The following UTP20 variants were observed in gnomAD, a reference collection of about 807,000 sequenced individuals.
The protein encoded by UTP20 is small subunit processome component 20 homolog.
UTP20 carries 164 observed loss-of-function variants against 329.5 expected under a neutral mutation model. That is an observed-to-expected ratio of 0.50 (90% CI 0.44 to 0.57). The LOEUF (loss-of-function observed/expected upper bound fraction) is 0.57, where lower values mean the gene tolerates loss of function less well. Among genes scored for constraint, UTP20 ranks in the 20% least tolerant of loss-of-function variants. UTP20 has a pLI of 0.00. For missense variants in UTP20, 3,055 were observed against 3,284.2 expected (o/e 0.93, Z 1.71); for synonymous variants, 1,151 against 1,159.3 (o/e 0.99, Z 0.14).
rs749876137 is a variant in UTP20, at chr12:101,319,551, A to T, written c.2745A>T (p.Leu915Phe). Reference protein sequence around the residue: ...KKTRRAAAKQLIAHLQVFSKF... With the variant: ...KKTRRAAAKQFIAHLQVFSKF... The stretch of plus-strand genomic sequence containing the variant: ...CTGTTTTGTTTTTGTTTAGGCAATT[A>T]ATTGCTCATTTGCAAGTTTTCTCTA... The change falls in exon 23 of 62, where the codon TTA becomes TTT. Residue 915 changes from leucine (L) to phenylalanine (F), a missense_variant. Physicochemically the swap from Leu to Phe is conservative, Grantham distance 22 (BLOSUM62 0). This residue lies in a region of UTP20 where 2,445 missense variants were observed against 2,575.5 expected (regional missense o/e 0.95). Transcript: ENST00000261637. 6.2e-7 allele frequency: 1 copy of T among 1,602,428 alleles called. No homozygotes were observed. Among genetic ancestry groups the T allele is most frequent in the South Asian group, 1.1e-5 (1 of 88,406 alleles).
intron 28 of UTP20, 46 bp downstream of exon 28, chr12:101,333,490 C>A (rs1427552530): frequency 1.9e-6 from 3 of 1,596,628 alleles, no homozygotes; most frequent in Non-Finnish European, 2.6e-6. Flanking sequence ...CTGCTTTTTC[C>A]TTTATTACTA....
In UTP20 at chr12:101,362,566, T is replaced by C. The variant is rs1196488616; in HGVS notation, c.5790+506T>C. Among the ~76,000 whole-genome samples the C allele has an allele frequency of 3.8e-5, 5 of 133,224 alleles. 2 individuals carry two copies. Among genetic ancestry groups the C allele is most frequent in the African/African-American group, 1.9e-4 (5 of 26,070 alleles). 87.4% of individuals were successfully genotyped at this position (133,224 alleles called of 152,430 possible). On this transcript the variant is annotated intron_variant, in intron 44 of 61. Transcript: ENST00000261637. ...GAAAAATACAAAAACTAGCCAGGCA[T>C]GGTGATGCGCACCTGTAATCCCAGC...
At chr12:101,295,726 T>C in intron 12 of UTP20, 68 bp downstream of exon 12, 1 of 1,444,164 alleles carries the variant, frequency 6.9e-7, no homozygotes, top group South Asian at 1.4e-5. Flanking sequence ...GTATCAAGAA[T>C]ACTGTAAAAA....
At chr12:101,280,402 C>A in intron 1 of UTP20, 75 bp downstream of exon 1, 3 of 1,530,872 alleles carry the variant, frequency 2.0e-6, no homozygotes, top group Admixed American at 4.0e-5. Context: ...GAGCGAGACT[C>A]CAGGGGCCTC....
intron 26 of UTP20, among the ~76,000 whole-genome samples, 171 bp downstream of exon 26, chr12:101,327,418 C>A (rs552209271): frequency 6.6e-6 from 1 of 152,280 alleles, no homozygotes; most frequent in Non-Finnish European, 1.5e-5. Flanking sequence ...AATTAAATTG[C>A]GTGAAACTGA....
chr12:101,314,074 A>G (rs1025927179), intron 21 of UTP20, among the ~76,000 whole-genome samples: 6 of 152,186 alleles, frequency 3.9e-5, no homozygotes, highest in African/African-American at 1.4e-4. Flanking sequence ...GTGTGACTGT[A>G]GAGAGAAAAG....
rs1254227615 is a variant in UTP20 at position 101,338,708 on chromosome 12, A to T, written c.3869-105A>T. 3.0e-6 allele frequency: 2 copies of T among 661,862 alleles called. No homozygotes were observed. The highest frequency in any genetic ancestry group is 3.1e-5 in the East Asian group (1 of 32,544). The allele number at this position is 661,862 out of a possible 1,614,324, so 41.0% of individuals were successfully genotyped here. A position where few individuals can be genotyped will look rare whatever the true frequency, so the allele number is the denominator to read the frequency against. On this transcript the variant is annotated intron_variant, in intron 30 of 61. Transcript: ENST00000261637. The stretch of plus-strand genomic sequence containing the variant: ...TTTATTTAGAATTGAAATTTAACTT[A>T]AATGTTCATAGTGGTTGAGTGCTTT...
At chr12:101,290,299 G>C (rs1872096860) in intron 7 of UTP20, 25 bp downstream of exon 7, 1 of 1,565,660 alleles carries the variant, frequency 6.4e-7, no homozygotes, top group Non-Finnish European at 8.6e-7. Context: ...GGGGTGCTTA[G>C]AGTCTATGTG....
intron 32 of UTP20, among the ~76,000 whole-genome samples, chr12:101,342,147 A>ACTTG (rs1334723439): frequency 2.6e-5 from 4 of 152,118 alleles, no homozygotes; most frequent in African/African-American, 7.2e-5. Context: ...CCGAGGGACG[A>ACTTG]CTGTACTTCA....
intron 1 of UTP20, 96 bp downstream of exon 1, chr12:101,280,423 GC>G: frequency 6.9e-7 from 1 of 1,452,198 alleles, no homozygotes; most frequent in Non-Finnish European, 9.4e-7. Flanking sequence ...AGACTTCTGG[GC>G]CGAGTGTGTC....
intron 56 of UTP20, among the ~76,000 whole-genome samples, chr12:101,378,149 G>A (rs532096181): frequency 6.6e-6 from 1 of 152,308 alleles, no homozygotes; most frequent in South Asian, 2.1e-4. Context: ...TCAAGCTAGG[G>A]CCCAGGACTG....
In UTP20 at chr12:101,357,087, A is replaced by G. The variant is rs1255673137; in HGVS notation, c.5691+5A>G. On this transcript the variant is annotated splice_donor_5th_base_variant and intron_variant, in intron 43 of 61. Transcript: ENST00000261637. ...ACTCTTGTCCGTGGATACCAGGTAA[A>G]TTGCATCTTGTGCTTTATATTCAAG... is the stretch of plus-strand genomic sequence containing the variant. 6.2e-7 allele frequency: 1 copy of G among 1,604,658 alleles called. No individual in the cohort carries two copies. The highest frequency in any genetic ancestry group is 8.5e-7 in the Non-Finnish European group (1 of 1,175,498).
In UTP20 at chr12:101,305,726, G is replaced by A. The variant is rs183577236; in HGVS notation, c.1782-189G>A. Among the ~76,000 whole-genome samples the A allele has an allele frequency of 4.0e-5, 6 of 151,818 alleles. No homozygotes were observed. The East Asian group carries it at 1.2e-3, about 29-fold the overall frequency. On this transcript the variant is annotated intron_variant, in intron 15 of 61. Transcript: ENST00000261637. ...TGCCTGCAACCAGCTGTGTGTCCTT[G>A]CATATGTCACTCATTGTTGCTGGGC... is the stretch of plus-strand genomic sequence containing the variant.
chr12:101,309,813 C>G lies in UTP20; in HGVS notation c.2205C>G (p.Leu735=). The G allele has an allele frequency of 6.2e-7, 1 of 1,613,660 alleles. No homozygotes were observed. Among genetic ancestry groups the G allele is most frequent in the South Asian group, 1.1e-5 (1 of 91,042 alleles). Residue 735 remains leucine (L), a synonymous_variant, in exon 19 of 62, where the codon CTC becomes CTG. Coordinates refer to ENST00000261637, the MANE Select transcript of UTP20 (RefSeq NM_014503.3). ...LGMLYINFSA[L]WDPVIELISS... ...TGCTATATATTAATTTCAGTGCACT[C>G]TGGGATCCTGTTATTGAACTCATAA...
rs1869549347 is a variant in UTP20 at position 101,352,156 on chromosome 12, C to T, written c.4986C>T (p.Val1662=). ...YMYYLKHFIH[V]LQTGQINQKL... ...ATTACTTGAAACATTTCATTCATGT[C>T]TTACAAACGGGACAGATCAATCAAA... is the stretch of plus-strand genomic sequence containing the variant. The change falls in exon 39 of 62, where the codon GTC becomes GTT. Residue 1662 remains valine, a synonymous_variant. Transcript: ENST00000261637. 2 of 1,613,500 alleles carry T rather than the reference C, an allele frequency of 1.2e-6. No homozygotes were observed.
intron 60 of UTP20, among the ~76,000 whole-genome samples, chr12:101,384,633 C>T (rs954368635): frequency 2.0e-5 from 3 of 152,064 alleles, no homozygotes; most frequent in African/African-American, 7.2e-5. Context: ...TTTTTCCTTG[C>T]CTGATACATT....
intron 17 of UTP20, among the ~76,000 whole-genome samples, chr12:101,307,712 A>G (rs1378061606): frequency 2.0e-5 from 3 of 151,894 alleles, no homozygotes; most frequent in East Asian, 3.9e-4. Flanking sequence ...TTTGAATACT[A>G]CTCCACAGTT....
chr12:101,346,566 T>C lies in UTP20; in HGVS notation c.4862T>C (p.Ile1621Thr). The change falls in exon 38 of 62, where the codon ATT (isoleucine) becomes ACT (threonine). Residue 1621 changes from isoleucine to threonine, a missense_variant. Ile to Thr is a moderately conservative substitution (Grantham distance 89, BLOSUM62 -1). This residue lies in a region of UTP20 where 2,445 missense variants were observed against 2,575.5 expected (regional missense o/e 0.95). Transcript: ENST00000261637. ...NYIMPYAMTPIFDEKMLKHEN... is the reference protein window; with the variant it reads ...NYIMPYAMTPTFDEKMLKHEN... ...ATCATGCCTTATGCCATGACTCCAA[T>C]TTTTGATGAGAAAATGCTCAAGGTA... 1 of 1,599,834 alleles carries C rather than the reference T, an allele frequency of 6.3e-7. No individual in the cohort carries two copies. The highest frequency in any genetic ancestry group is 8.5e-7 in the Non-Finnish European group (1 of 1,174,774).
At position 101,352,212 on chromosome 12, in the gene UTP20, A is replaced by AT. The variant is rs1565801832; in HGVS notation, c.5024+23dup. 1.3e-6 allele frequency: 2 copies of AT among 1,591,610 alleles called. No homozygotes were observed. Among genetic ancestry groups the AT allele is most frequent in the Non-Finnish European group, 1.7e-6 (2 of 1,174,080 alleles). On this transcript the variant is annotated intron_variant, in intron 39 of 61. Transcript: ENST00000261637. The stretch of plus-strand genomic sequence containing the variant: ...GGTGTCAGGTGTGGTCAAACTTCTT[A>AT]TTTTTGTTTTGTTTTTTAAATGTAA...
Sources: allele counts gnomAD v4.1 joint callset (sites outside exome capture counted in the v4.1 genomes callset), GRCh38; gene constraint gnomAD v4.1.1; regional missense constraint gnomAD v4.1.1; transcripts MANE v1.5; gene names NCBI Gene and HGNC (gene_info 2026-07-23, HGNC 2026-07-21).